Variants in RCN1 observed in about 807,000 individuals in gnomAD.
RCN1 encodes reticulocalbin-1.
In RCN1, 14 loss-of-function variants were observed where a neutral mutation model predicts 34.7. The ratio of observed to expected loss-of-function variants is 0.40; its 90% CI spans 0.27 to 0.63. The LOEUF is 0.63. Ranked by LOEUF, RCN1 falls within the 30% of genes least tolerant of loss-of-function variation. The pLI is 0.37. For synonymous variants in RCN1, 125 were observed against 165.5 expected (o/e 0.76, Z 1.88); for missense variants, 326 against 425.1 (o/e 0.77, Z 2.05).
intron 1 of RCN1, among the ~76,000 whole-genome samples, chr11:32,095,059 T>G (rs1851957315): frequency 6.6e-6 from 1 of 152,196 alleles, no homozygotes; most frequent in Admixed American, 6.5e-5. Context: ...GTCATTACCC[T>G]GAGATTATGT....
intron 1 of RCN1, among the ~76,000 whole-genome samples, chr11:32,092,644 C>T (rs1429102816): frequency 6.6e-6 from 1 of 152,054 alleles, no homozygotes; most frequent in African/African-American, 2.4e-5. Context: ...GGGCACTGTG[C>T]GGAGGTATCT....
chr11:32,104,218 T>C (rs1000622550), intron 5 of RCN1, 147 bp from the exon 6 acceptor site: 4 of 581,500 alleles, frequency 6.9e-6, no homozygotes, highest in Non-Finnish European at 1.2e-5. Flanking sequence ...AATGCAGTCA[T>C]GGTAGATGAA....
At chr11:32,097,579 A>G (rs1590218573) in intron 2 of RCN1, among the ~76,000 whole-genome samples, 1 of 152,138 alleles carries the variant, frequency 6.6e-6, no homozygotes, top group East Asian at 1.9e-4. Context: ...TTAGATTGAG[A>G]CCCCATCTCA....
intron 2 of RCN1, 98 bp from the exon 3 acceptor site, chr11:32,098,252 A>T: frequency 2.7e-6 from 3 of 1,102,358 alleles, no homozygotes; most frequent in Non-Finnish European, 3.9e-6. Context: ...TTTTTTCCCT[A>T]TATGTACCAT....
intron 1 of RCN1, chr11:32,091,810 A>G: frequency 3.6e-6 from 1 of 275,274 alleles, no homozygotes; most frequent in Non-Finnish European, 6.8e-6. Context: ...TGTTAGTGCC[A>G]TGAGTTCCTC....
intron 1 of RCN1, among the ~76,000 whole-genome samples, chr11:32,095,660 G>T (rs566914617): frequency 1.3e-5 from 2 of 152,084 alleles, no homozygotes; most frequent in East Asian, 3.9e-4. Context: ...CACCTGCCTC[G>T]GCCTCCCAAA....
intron 1 of RCN1, 60 bp from the exon 2 acceptor site, chr11:32,097,084 G>T: frequency 7.4e-7 from 1 of 1,353,514 alleles, no homozygotes; most frequent in South Asian, 1.7e-5. Context: ...CACAAGCCTT[G>T]ATAATATAAC....
At position 32,100,730 on chromosome 11, in the gene RCN1, C is replaced by T. The variant is rs76885989; in HGVS notation, c.688+122C>T. 7.5e-3 allele frequency: 5,179 copies of T among 690,114 alleles called. 215 individuals carry two copies. In the African/African-American group the frequency reaches 0.078, roughly 10 times the overall value. 42.7% of individuals were successfully genotyped at this position (690,114 alleles called of 1,614,324 possible). ...ACAGCTGCAAGTCTATACGTCACTCCTGGGAGCTTCCAGCCTGCTTGTCCC... is the reference window on the plus strand; with the variant it reads ...ACAGCTGCAAGTCTATACGTCACTCTTGGGAGCTTCCAGCCTGCTTGTCCC... On this transcript the variant is annotated intron_variant, in intron 4 of 5. Transcript: ENST00000054950.
rs1852022593 is a variant in RCN1 at position 32,100,397 on chromosome 11, G to C, written c.628-151G>C. 5 of 640,856 alleles carry C rather than the reference G, an allele frequency of 7.8e-6. No individual in the cohort carries two copies. In the South Asian group the frequency reaches 9.7e-5, roughly 12 times the overall value. 39.7% of individuals were successfully genotyped at this position (640,856 alleles called of 1,614,324 possible). A position where few individuals can be genotyped will look rare whatever the true frequency, so the allele number is the denominator to read the frequency against. ...CAGAAACTATTGCCTGTTTTTTACA[G>C]ATAAAAAACTAGTTCCCAGGGAAGT... is the stretch of plus-strand genomic sequence containing the variant. On this transcript the variant is annotated intron_variant, in intron 3 of 5. Coordinates refer to ENST00000054950, the MANE Select transcript of RCN1 (RefSeq NM_002901.4).
chr11:32,092,740 G>A (rs1851936054), intron 1 of RCN1, among the ~76,000 whole-genome samples: 1 of 152,122 alleles, frequency 6.6e-6, no homozygotes, highest in African/African-American at 2.4e-5. Context: ...CCTGCCTATT[G>A]GGCACCAGGT....
intron 1 of RCN1, among the ~76,000 whole-genome samples, chr11:32,095,951 G>A (rs1851968960): frequency 6.6e-6 from 1 of 152,142 alleles, no homozygotes; most frequent in African/African-American, 2.4e-5. Flanking sequence ...TTGGGTTCAG[G>A]TAGGAGGTGG....
At chr11:32,099,832 C>A (rs1003662256) in intron 3 of RCN1, among the ~76,000 whole-genome samples, 1 of 152,178 alleles carries the variant, frequency 6.6e-6, no homozygotes, top group East Asian at 1.9e-4. Flanking sequence ...AGAATCATTT[C>A]TCTTTACCAC....
chr11:32,099,643 C>A (rs528811362), intron 3 of RCN1, among the ~76,000 whole-genome samples: 47 of 152,160 alleles, frequency 3.1e-4, no homozygotes, highest in Non-Finnish European at 5.7e-4. Context: ...AATGCCATCA[C>A]CTGTTTTCCT....
chr11:32,102,968 C>G (rs1451473789), intron 4 of RCN1: 2 of 495,540 alleles, frequency 4.0e-6, no homozygotes, highest in Non-Finnish European at 7.9e-6. Context: ...ATCATAATAG[C>G]CCCATGATTT....
At chr11:32,097,595 G>A (rs1279598951) in intron 2 of RCN1, among the ~76,000 whole-genome samples, 1 of 152,170 alleles carries the variant, frequency 6.6e-6, no homozygotes, top group East Asian at 1.9e-4. Context: ...TCTCAACTTC[G>A]TCTCAGATGC....
chr11:32,094,326 A>G (rs1408560496), intron 1 of RCN1, among the ~76,000 whole-genome samples: 1 of 152,210 alleles, frequency 6.6e-6, no homozygotes, highest in Non-Finnish European at 1.5e-5. Context: ...ATGCATTCAT[A>G]AATATGCGAC....
At chr11:32,102,016 G>C (rs923798458) in intron 4 of RCN1, 1 of 152,154 alleles carries the variant, frequency 6.6e-6, no homozygotes, top group Non-Finnish European at 1.5e-5. Context: ...AATAGGGAGA[G>C]GGAGGTGGAG....
intron 1 of RCN1, chr11:32,096,792 A>T (rs189969343): frequency 1.1e-3 from 210 of 194,752 alleles, no homozygotes; most frequent in African/African-American, 4.1e-3. Context: ...ACAGCAGGGA[A>T]GATTAATAGG....
At chr11:32,104,226 G>T (rs1852081033) in intron 5 of RCN1, 139 bp from the exon 6 acceptor site, 1 of 589,282 alleles carries the variant, frequency 1.7e-6, no homozygotes, top group Admixed American at 3.0e-5. Context: ...CATGGTAGAT[G>T]AAGGAGGTGC....
Sources: allele counts gnomAD v4.1 joint callset (sites outside exome capture counted in the v4.1 genomes callset), GRCh38; gene constraint gnomAD v4.1.1; transcripts MANE v1.5; gene names NCBI Gene and HGNC (gene_info 2026-07-23, HGNC 2026-07-21).